The following RFC3 variants were observed in gnomAD, a reference collection of about 807,000 sequenced individuals.
RFC3 encodes the protein A1 38 kDa subunit.
RFC3 carries 41 observed loss-of-function variants against 45.1 expected under a neutral mutation model. That is an observed-to-expected ratio of 0.91 (90% CI 0.71 to 1.18). The LOEUF (loss-of-function observed/expected upper bound fraction) is 1.18. RFC3 is among the 50% of genes most tolerant of loss of function. The pLI is 0.00. For synonymous variants in RFC3, 149 were observed against 144.0 expected (o/e 1.03, Z -0.25); for missense variants, 423 against 428.1 (o/e 0.99, Z 0.10).
chr13:33,942,861 A>C (rs537588741), intron 8 of RFC3, among the ~76,000 whole-genome samples: 31 of 152,298 alleles, frequency 2.0e-4, no homozygotes, highest in African/African-American at 5.1e-4. Flanking sequence ...AATCTTGAGA[A>C]GTCTGGTGCC....
At chr13:33,898,173 A>G (rs1315274988) in intron 8 of RFC3, among the ~76,000 whole-genome samples, 1 of 152,056 alleles carries the variant, frequency 6.6e-6, no homozygotes, top group Non-Finnish European at 1.5e-5. Flanking sequence ...ACTGATATTT[A>G]CAAAACGTTT....
chr13:33,926,382 A>C (rs1180502187), intron 8 of RFC3, among the ~76,000 whole-genome samples: 2 of 152,076 alleles, frequency 1.3e-5, no homozygotes, highest in African/African-American at 4.8e-5. Flanking sequence ...TAAATTAAAA[A>C]AAAATACCCT....
chr13:33,872,602 A>G (rs1375574579), intron 8 of RFC3, among the ~76,000 whole-genome samples: 1 of 152,050 alleles, frequency 6.6e-6, no homozygotes, highest in African/African-American at 2.4e-5. Flanking sequence ...GCCTGGTGGC[A>G]CACGCCTGTA....
chr13:33,919,258 G>T (rs553441232), intron 8 of RFC3, among the ~76,000 whole-genome samples: 1 of 152,126 alleles, frequency 6.6e-6, no homozygotes, highest in Non-Finnish European at 1.5e-5. Flanking sequence ...TAAATTAGAA[G>T]ACATGTATTT....
At chr13:33,939,699 G>A (rs1012293115) in intron 8 of RFC3, among the ~76,000 whole-genome samples, 5 of 152,126 alleles carry the variant, frequency 3.3e-5, no homozygotes, top group Admixed American at 6.5e-5. Flanking sequence ...AACTGGTGTC[G>A]GAAGCGGGAA....
At chr13:33,925,353 T>TAGTGTACTATATACATAC (rs2082801039) in intron 8 of RFC3, among the ~76,000 whole-genome samples, 4 of 126,842 alleles carry the variant, frequency 3.2e-5, no homozygotes, top group African/African-American at 1.5e-4. Flanking sequence ...TACATACATA[T>TAGTGTACTATATACATAC]ATAGTGTACT....
At chr13:33,861,764 A>G (rs1207722251) in intron 8 of RFC3, among the ~76,000 whole-genome samples, 2 of 152,182 alleles carry the variant, frequency 1.3e-5, no homozygotes, top group Admixed American at 1.3e-4. Context: ...ACCTCTACTT[A>G]GAGGCTCCCA....
intron 8 of RFC3, among the ~76,000 whole-genome samples, chr13:33,868,182 T>C (rs866791908): frequency 6.6e-6 from 1 of 152,346 alleles, no homozygotes; most frequent in Non-Finnish European, 1.5e-5. Flanking sequence ...TAACTGGACC[T>C]GTGCAGGACA....
At chr13:33,968,893 G>A (rs1391959544), downstream of RFC3, among the ~76,000 whole-genome samples, 1 of 152,172 alleles carries the variant, frequency 6.6e-6, no homozygotes. Context: ...TGACCGCATG[G>A]CAGCTTGTTC....
In RFC3 at chr13:33,925,159, C is replaced by T. The variant is rs956309123; in HGVS notation, c.880-40928C>T. Among the ~76,000 whole-genome samples, 83 of 142,756 alleles carry T rather than the reference C, an allele frequency of 5.8e-4. 1 individual carries two copies. Among genetic ancestry groups the T allele is most frequent in the African/African-American group, 2.0e-3 (76 of 37,438 alleles). The allele number at this position is 142,756 out of a possible 152,430, so 93.7% of individuals were successfully genotyped here. A position where few individuals can be genotyped will look rare whatever the true frequency, so the allele number is the denominator to read the frequency against. On this transcript the variant is annotated intron_variant, in intron 8 of 8. Coordinates refer to the RFC3 transcript ENST00000434425. The stretch of plus-strand genomic sequence containing the variant: ...ATATATAGTGTACTATATACATACA[C>T]ATATAGTGTACTATATACATACACA...
At chr13:33,890,901 T>C (rs2082559430) in intron 8 of RFC3, among the ~76,000 whole-genome samples, 1 of 152,188 alleles carries the variant, frequency 6.6e-6, no homozygotes. Context: ...TATATCAATA[T>C]GTAAAATTAA....
intron 8 of RFC3, among the ~76,000 whole-genome samples, chr13:33,845,539 T>G (rs775653858): frequency 6.6e-6 from 1 of 152,234 alleles, no homozygotes; most frequent in Non-Finnish European, 1.5e-5. Context: ...TTCTTTTTGA[T>G]CAATTCCATT....
intron 8 of RFC3, among the ~76,000 whole-genome samples, chr13:33,939,477 G>C (rs1374559936): frequency 1.3e-5 from 2 of 152,170 alleles, no homozygotes; most frequent in Admixed American, 6.5e-5. Flanking sequence ...CTCTCTGTGT[G>C]ACTCCCTCGC....
intron 8 of RFC3, among the ~76,000 whole-genome samples, chr13:33,920,352 A>G (rs2082760595): frequency 6.6e-6 from 1 of 150,534 alleles, no homozygotes; most frequent in Non-Finnish European, 1.5e-5. Flanking sequence ...GTGGGGAGAG[A>G]GCTCTTTAGG....
At chr13:33,947,234 C>T (rs1263753677) in intron 8 of RFC3, among the ~76,000 whole-genome samples, 4 of 152,144 alleles carry the variant, frequency 2.6e-5, no homozygotes, top group African/African-American at 4.8e-5. Context: ...TTCCCCTATG[C>T]TGTTCTCATG....
intron 8 of RFC3, among the ~76,000 whole-genome samples, chr13:33,957,315 A>G (rs1403569997): frequency 6.6e-6 from 1 of 152,202 alleles, no homozygotes; most frequent in Non-Finnish European, 1.5e-5. Context: ...CTTTATTGTT[A>G]TAAAGTATTA....
chr13:33,962,401 C>G (rs1237584814), intron 8 of RFC3, among the ~76,000 whole-genome samples: 1 of 152,192 alleles, frequency 6.6e-6, no homozygotes, highest in Non-Finnish European at 1.5e-5. Context: ...TTCTTATCAA[C>G]CTAACCCCCA....
At chr13:33,919,230 AT>A (rs1166198964) in intron 8 of RFC3, among the ~76,000 whole-genome samples, 1 of 151,962 alleles carries the variant, frequency 6.6e-6, no homozygotes, top group African/African-American at 2.4e-5. Context: ...ATCTTTTTGT[AT>A]TTCTAATTGG....
Position 33,829,971 on chromosome 13 carries a change from G to A in RFC3, c.527G>A (p.Arg176His), listed in dbSNP as rs774529987. The A allele has an allele frequency of 1.6e-5, 26 of 1,613,892 alleles. No homozygotes were observed. The highest frequency in any genetic ancestry group is 4.5e-5 in the East Asian group (2 of 44,896). Residue 176 changes from arginine (R) to histidine (H), a missense_variant, in exon 5 of 9, where the codon CGT (arginine) becomes CAT (histidine). By Grantham distance (29) the Arg-to-His change is conservative. Coordinates refer to ENST00000380071, the MANE Select transcript of RFC3 (RefSeq NM_002915.4). ...NSTSKVIPPIRSRCLAVRVPA... is the reference protein window; with the variant it reads ...NSTSKVIPPIHSRCLAVRVPA... ...ACATCTAAAGTGATCCCACCTATTC[G>A]TAGTAGGTGCTTGGCGGTTCGTGTG...
Sources: gnomAD v4.1 joint callset for allele counts (sites outside exome capture counted in the v4.1 genomes callset) on GRCh38, gnomAD v4.1.1 for gene constraint, MANE v1.5 for transcripts, NCBI Gene and HGNC (gene_info 2026-07-23, HGNC 2026-07-21) for gene names.